The following FBXW7 variants were observed in gnomAD, a reference collection of about 807,000 sequenced individuals.
FBXW7 encodes F-box and WD repeat domain containing 7.
Under a neutral mutation model 86.3 loss-of-function variants are expected in FBXW7, and 11 were observed. The observed-to-expected ratio is 0.13, with a 90% CI of 0.08 to 0.21. FBXW7 has a LOEUF of 0.21. Among genes scored for constraint, FBXW7 ranks in the 10% least tolerant of loss-of-function variants. The probability of loss-of-function intolerance (pLI) is 1.00; values close to 1 mark genes in which losing one functional copy is unlikely to be tolerated. For missense variants in FBXW7, 488 were observed against 847.4 expected (o/e 0.58, Z 5.27); for synonymous variants, 313 against 297.9 (o/e 1.05, Z -0.52).
chr4:152,394,818 ACT>A (rs1426900617), intron 4 of FBXW7, among the ~76,000 whole-genome samples: 1 of 151,882 alleles, frequency 6.6e-6, no homozygotes, highest in East Asian at 1.9e-4. Context: ...TCCCTAAGAA[ACT>A]CTACAAGGTT....
At chr4:152,501,732 T>C (rs1746967869) in intron 2 of FBXW7, among the ~76,000 whole-genome samples, 1 of 152,156 alleles carries the variant, frequency 6.6e-6, no homozygotes, top group Admixed American at 6.5e-5. Flanking sequence ...AACATTCTTT[T>C]TTTTATTTGT....
At chr4:152,413,219 C>A (rs1738131883) in intron 2 of FBXW7, among the ~76,000 whole-genome samples, 1 of 151,996 alleles carries the variant, frequency 6.6e-6, no homozygotes, top group Admixed American at 6.6e-5. Flanking sequence ...TGAGGAAGGT[C>A]TTTTATTTCT....
At chr4:152,481,472 A>T (rs998027542) in intron 2 of FBXW7, among the ~76,000 whole-genome samples, 1 of 152,224 alleles carries the variant, frequency 6.6e-6, no homozygotes, top group Non-Finnish European at 1.5e-5. Context: ...TGGATTGAGA[A>T]GCCCTTTTGA....
At chr4:152,529,104 C>T (rs1749786263) in intron 2 of FBXW7, among the ~76,000 whole-genome samples, 1 of 152,122 alleles carries the variant, frequency 6.6e-6, no homozygotes, top group South Asian at 2.1e-4. Context: ...TTTCCCTGGT[C>T]CACTCAAAGT....
chr4:152,401,466 T>G (rs773508390), intron 4 of FBXW7, among the ~76,000 whole-genome samples: 54 of 152,196 alleles, frequency 3.5e-4, no homozygotes, highest in Admixed American at 3.3e-4. Flanking sequence ...TAATTCCAAC[T>G]ATATGACATT....
chr4:152,378,445 G>A (rs1734754622), intron 4 of FBXW7, among the ~76,000 whole-genome samples: 1 of 152,040 alleles, frequency 6.6e-6, no homozygotes, highest in Non-Finnish European at 1.5e-5. Context: ...ATTCTCTCCT[G>A]TGTTGCTGAT....
At chr4:152,376,940 G>GA (rs557762830) in intron 4 of FBXW7, among the ~76,000 whole-genome samples, 1,830 of 145,468 alleles carry the variant, frequency 0.013, 15 homozygotes, top group Non-Finnish European at 0.018. Flanking sequence ...AACTAAAAAG[G>GA]AAAAAAAAAA....
chr4:152,524,473 T>C (rs1012950593), intron 2 of FBXW7, among the ~76,000 whole-genome samples: 1 of 152,168 alleles, frequency 6.6e-6, no homozygotes, highest in Non-Finnish European at 1.5e-5. Context: ...GATTATCCCA[T>C]ACAAACTAAA....
intron 12 of FBXW7, chr4:152,325,484 A>T (rs1188928380): frequency 6.6e-6 from 1 of 152,154 alleles, no homozygotes; most frequent in Admixed American, 6.6e-5. Flanking sequence ...CTTGAAATAT[A>T]AACCAAAAAA....
rs116661157 is a variant in FBXW7, at chr4:152,333,033, T to C, written c.862-314A>G. 5.0e-3 allele frequency among the ~76,000 whole-genome samples: 762 copies of C among 152,234 alleles called. 6 individuals carry two copies. The highest frequency in any genetic ancestry group is 0.018 in the African/African-American group (728 of 41,570). On this transcript the variant is annotated intron_variant, in intron 7 of 13. Transcript: ENST00000281708. ...ACTCAATTTTTTAAAAAAAATGTTA[T>C]TAGTTGTTTAACTTTTTTCTCTATC...
At chr4:152,375,465 A>T (rs908964862) in intron 4 of FBXW7, among the ~76,000 whole-genome samples, 12 of 152,116 alleles carry the variant, frequency 7.9e-5, no homozygotes, top group Admixed American at 6.6e-4. Context: ...ATAGAAGAAA[A>T]TTACAGTTGA....
Position 152,329,696 on chromosome 4 carries a change from T to C in FBXW7, c.1212A>G (p.Lys404=), listed in dbSNP as rs143918185. 70 of 1,579,244 alleles carry C rather than the reference T, an allele frequency of 4.4e-5. No individual in the cohort carries two copies. In the African/African-American group the frequency reaches 9.0e-4, roughly 20 times the overall value. The change falls in exon 10 of 14, where the codon AAA becomes AAG. Residue 404 remains lysine (K), a synonymous_variant. Transcript: ENST00000281708. The stretch of plus-strand genomic sequence containing the variant: ...CTTTGCCTGTGACTGCTGACCAAAC[T>C]TTTAAAGTGTTGTCATCAGAACCAC... The part of the protein sequence containing the change: ...IVSGSDDNTL[K]VWSAVTGKCL...
chr4:152,325,918 T>A, intron 12 of FBXW7, 88 bp downstream of exon 12: 1 of 1,091,076 alleles, frequency 9.2e-7, no homozygotes, highest in South Asian at 1.3e-5. Context: ...TGGACTGTAC[T>A]GGATCAGCAA....
chr4:152,343,823 AT>A lies in FBXW7; in HGVS notation c.726+3106del, dbSNP rs199696768. Among the ~76,000 whole-genome samples the A allele has an allele frequency of 8.0e-3, 1,163 of 145,216 alleles. 8 individuals are homozygous for A. Among genetic ancestry groups the A allele is most frequent in the African/African-American group, 0.027 (1,069 of 39,688 alleles). On this transcript the variant is annotated intron_variant, in intron 6 of 13. Coordinates refer to ENST00000281708, the MANE Select transcript of FBXW7 (RefSeq NM_001349798.2). ...AAAATTCAAATGGTATAAACTTTCT[AT>A]TTTTTTTTTTGGTTTTTGTCTTTAA...
intron 2 of FBXW7, among the ~76,000 whole-genome samples, chr4:152,497,580 AATC>A (rs1278640107): frequency 6.6e-6 from 1 of 152,158 alleles, no homozygotes; most frequent in Non-Finnish European, 1.5e-5. Context: ...TGAAAATGAA[AATC>A]ATCAAACTCC....
intron 4 of FBXW7, among the ~76,000 whole-genome samples, chr4:152,372,240 T>G (rs1391506507): frequency 6.6e-6 from 1 of 151,974 alleles, no homozygotes; most frequent in Non-Finnish European, 1.5e-5. Flanking sequence ...TTAATATGCA[T>G]GTACTCAGAG....
intron 2 of FBXW7, among the ~76,000 whole-genome samples, chr4:152,450,330 T>G (rs1208496498): frequency 1.3e-5 from 2 of 152,182 alleles, no homozygotes; most frequent in Non-Finnish European, 2.9e-5. Flanking sequence ...CAGATGCAAT[T>G]GAACTGGGTA....
At chr4:152,500,154 T>C (rs984349572) in intron 2 of FBXW7, among the ~76,000 whole-genome samples, 1 of 152,332 alleles carries the variant, frequency 6.6e-6, no homozygotes, top group Non-Finnish European at 1.5e-5. Flanking sequence ...GACCTCTTAG[T>C]AGAGAATACT....
chr4:152,407,191 G>A (rs1247040791), intron 4 of FBXW7, among the ~76,000 whole-genome samples: 1 of 152,104 alleles, frequency 6.6e-6, no homozygotes, highest in Non-Finnish European at 1.5e-5. Context: ...ACTCTAATAT[G>A]TTAGGGGAAA....
Sources: allele counts gnomAD v4.1 joint callset (sites outside exome capture counted in the v4.1 genomes callset), GRCh38; gene constraint gnomAD v4.1.1; transcripts MANE v1.5; gene names NCBI Gene and HGNC (gene_info 2026-07-23, HGNC 2026-07-21).